Variants in HNRNPC observed in about 807,000 individuals in gnomAD.
HNRNPC encodes the protein heterogeneous nuclear ribonucleoprotein C.
A neutral mutation model predicts 33.2 loss-of-function variants in HNRNPC; 3 were observed. The ratio of observed to expected loss-of-function variants is 0.09; its 90% CI spans 0.04 to 0.23. The LOEUF is 0.23. Ranked by LOEUF, HNRNPC falls within the 10% of genes least tolerant of loss-of-function variation. HNRNPC has a pLI of 1.00. For synonymous variants in HNRNPC, 121 were observed against 126.7 expected, an observed-to-expected ratio of 0.96 and a Z score of 0.30; for missense variants, 143 against 366.7, an observed-to-expected ratio of 0.39 and a Z score of 4.98.
At chr14:21,260,417 A>G (rs8011312) in intron 2 of HNRNPC, among the ~76,000 whole-genome samples, 28,308 of 150,252 alleles carry the variant, frequency 0.19, 3,230 homozygotes, top group African/African-American at 0.29. Context: ...AGGTAGAAGG[A>G]ATAAATTTAT....
intron 2 of HNRNPC, among the ~76,000 whole-genome samples, chr14:21,261,125 C>T (rs919757117): frequency 1.3e-5 from 2 of 152,086 alleles, no homozygotes; most frequent in African/African-American, 4.8e-5. Context: ...CAGGTACCAA[C>T]GCCCCCAGCT....
Position 21,260,392 on chromosome 14 carries a change from C to A in HNRNPC, c.-37+2919G>T, listed in dbSNP as rs556637421. ...TTTAAAAAAAAAAAAAAAAAAAAAT[C>A]CCTTTATGTGATTAAGGTAGAAGGA... On this transcript the variant is annotated intron_variant, in intron 2 of 8. Coordinates refer to ENST00000553300, the MANE Select transcript of HNRNPC (RefSeq NM_004500.4). Among the ~76,000 whole-genome samples, 106 of 147,452 alleles carry A rather than the reference C, an allele frequency of 7.2e-4. 3 individuals are homozygous for A. The East Asian group carries it at 0.021, about 29-fold the overall frequency.
intron 6 of HNRNPC, among the ~76,000 whole-genome samples, chr14:21,212,457 A>G (rs1483957007): frequency 6.6e-6 from 1 of 152,320 alleles, no homozygotes; most frequent in African/African-American, 2.4e-5. Context: ...TCAACTACAT[A>G]AAGTCAAATG....
chr14:21,234,245 A>G lies in HNRNPC; in HGVS notation c.-36-16T>C, dbSNP rs750870136. 7.5e-6 allele frequency: 12 copies of G among 1,598,654 alleles called. No individual in the cohort carries two copies. In the East Asian group the frequency reaches 2.5e-4, roughly 33 times the overall value. ...AAGCCGAAAACTGTAAAGCAAAAAA[A>G]AGTATACAGGTGAACAGATGCTAAA... On this transcript the variant is annotated splice_polypyrimidine_tract_variant and intron_variant, in intron 2 of 8. Coordinates refer to ENST00000553300, the MANE Select transcript of HNRNPC (RefSeq NM_004500.4).
intron 4 of HNRNPC, 48 bp downstream of exon 4, chr14:21,230,949 G>A (rs750151024): frequency 6.2e-7 from 1 of 1,606,602 alleles, no homozygotes. Context: ...AAATAATAAA[G>A]TTCCGGACCT....
intron 5 of HNRNPC, among the ~76,000 whole-genome samples, chr14:21,215,540 G>C (rs933531923): frequency 1.3e-5 from 2 of 152,140 alleles, no homozygotes; most frequent in Non-Finnish European, 2.9e-5. Context: ...GATGGTGTTG[G>C]TATAAAATCT....
chr14:21,222,673 A>C (rs943561982), intron 5 of HNRNPC, among the ~76,000 whole-genome samples: 2 of 151,084 alleles, frequency 1.3e-5, no homozygotes, highest in African/African-American at 4.9e-5. Flanking sequence ...CAGGCAGATC[A>C]TGAGGTCAGG....
At chr14:21,222,834 C>T (rs1424587953) in intron 5 of HNRNPC, among the ~76,000 whole-genome samples, 1 of 152,034 alleles carries the variant, frequency 6.6e-6, no homozygotes, top group Non-Finnish European at 1.5e-5. Context: ...GCAGAGCTTG[C>T]AGTGAGCCGA....
At chr14:21,269,022 G>C (rs1232088435) in intron 1 of HNRNPC, among the ~76,000 whole-genome samples, 1 of 151,914 alleles carries the variant, frequency 6.6e-6, no homozygotes, top group Non-Finnish European at 1.5e-5. Flanking sequence ...TAGTCCTCGC[G>C]GTCGTAGAAA....
At chr14:21,247,090 C>A (rs1896061218) in intron 2 of HNRNPC, among the ~76,000 whole-genome samples, 1 of 152,160 alleles carries the variant, frequency 6.6e-6, no homozygotes, top group African/African-American at 2.4e-5. Context: ...GGGGTGCTGG[C>A]AGCTGGTGCC....
Position 21,224,473 on chromosome 14 carries a change from T to C in HNRNPC, c.365+5846A>G, listed in dbSNP as rs141951369. Among the ~76,000 whole-genome samples the C allele has an allele frequency of 1.5e-3, 226 of 152,268 alleles. 1 individual carries two copies. The highest frequency in any genetic ancestry group is 5.2e-3 in the African/African-American group (215 of 41,528). ...ATGTAACCATTAATGGCATAATCTA[T>C]CATCTAGTCACGAAGACAAAATCTC... On this transcript the variant is annotated intron_variant, in intron 5 of 8. Coordinates refer to ENST00000553300, the MANE Select transcript of HNRNPC (RefSeq NM_004500.4).
chr14:21,224,467 AATCTATC>A (rs1325866826), intron 5 of HNRNPC, among the ~76,000 whole-genome samples: 1 of 152,136 alleles, frequency 6.6e-6, no homozygotes, highest in Non-Finnish European at 1.5e-5. Flanking sequence ...TTAATGGCAT[AATCTATC>A]ATCTAGTCAC....
intron 2 of HNRNPC, among the ~76,000 whole-genome samples, chr14:21,248,770 T>G (rs1334762387): frequency 6.6e-6 from 1 of 152,272 alleles, no homozygotes; most frequent in African/African-American, 2.4e-5. Flanking sequence ...ATGGTCCGTA[T>G]GAACCCATAC....
At chr14:21,230,894 A>T (rs547285396) in intron 4 of HNRNPC, 103 bp downstream of exon 4, 2 of 1,349,320 alleles carry the variant, frequency 1.5e-6, no homozygotes, top group East Asian at 4.6e-5. Context: ...CCACACCCAG[A>T]AAACAGAAAG....
rs987799509 is a variant in HNRNPC at position 21,252,973 on chromosome 14, A to C, written c.-37+10338T>G. 2.8e-4 allele frequency among the ~76,000 whole-genome samples: 43 copies of C among 152,022 alleles called. 1 individual carries two copies. The highest frequency in any genetic ancestry group is 6.6e-5 in the Admixed American group (1 of 15,250). ...GGCAGATCACAAGGTCAAGAGATCAAGACCATCCTGGCCAACATGGTGAAA... is the reference window on the plus strand; with the variant it reads ...GGCAGATCACAAGGTCAAGAGATCACGACCATCCTGGCCAACATGGTGAAA... On this transcript the variant is annotated intron_variant, in intron 2 of 8. Transcript: ENST00000553300.
chr14:21,226,898 G>GAAAAAAAAA (rs751786293), intron 5 of HNRNPC, among the ~76,000 whole-genome samples: 2 of 78,810 alleles, frequency 2.5e-5, no homozygotes, highest in Admixed American at 1.1e-4. Flanking sequence ...AAAAAAAAGG[G>GAAAAAAAAA]GGGGGGGGGA....
At chr14:21,229,599 C>T (rs371276014) in intron 5 of HNRNPC, among the ~76,000 whole-genome samples, 4 of 152,154 alleles carry the variant, frequency 2.6e-5, no homozygotes, top group South Asian at 2.1e-4. Context: ...ATGTCTGACA[C>T]TTTCAGTGTA....
chr14:21,231,111 A>C, intron 3 of HNRNPC, 39 bp from the exon 4 acceptor site: 4 of 1,568,336 alleles, frequency 2.6e-6, no homozygotes, highest in Non-Finnish European at 3.5e-6. Context: ...ACAACTTTGT[A>C]TCCGGGTAAA....
Position 21,226,007 on chromosome 14 carries a change from T to A in HNRNPC, c.365+4312A>T, listed in dbSNP as rs566307222. Among the ~76,000 whole-genome samples the A allele has an allele frequency of 5.3e-5, 8 of 152,166 alleles. No individual in the cohort carries two copies. The South Asian group carries it at 1.5e-3, about 28-fold the overall frequency. ...GATCAAGACTTTTATGAGAATTTTT[T>A]AAAGAATTATAAGAATAGTGCCAGG... On this transcript the variant is annotated intron_variant, in intron 5 of 8. Coordinates refer to ENST00000553300, the MANE Select transcript of HNRNPC (RefSeq NM_004500.4).
Sources: gnomAD v4.1 joint callset for allele counts (sites outside exome capture counted in the v4.1 genomes callset) on GRCh38, gnomAD v4.1.1 for gene constraint, MANE v1.5 for transcripts, NCBI Gene and HGNC (gene_info 2026-07-23, HGNC 2026-07-21) for gene names.